Variants in ORM2 observed in about 807,000 individuals in gnomAD.
ORM2 encodes the protein orosomucoid 2.
ORM2 carries 19 observed loss-of-function variants against 26.8 expected under a neutral mutation model. That is an observed-to-expected ratio of 0.71 (90% CI 0.49 to 1.04). The LOEUF is 1.04. ORM2 is among the 50% of genes least tolerant of loss of function. The pLI is 0.00. For missense variants in ORM2, 259 were observed against 244.9 expected (o/e 1.06, Z -0.39); for synonymous variants, 94 against 100.0 (o/e 0.94, Z 0.36).
Position 114,330,862 on chromosome 9 carries a change from G to A in ORM2, c.328G>A (p.Glu110Lys), listed in dbSNP as rs141478321. Reference protein sequence around the residue: ...QRENGTVSRYEGGREHVAHLL... With the variant: ...QRENGTVSRYKGGREHVAHLL... ...GGAGAATGGGACCGTCTCCAGATACGGTGAGGGCCAGCCCTCAGGCAGGAG... is the reference window on the plus strand; with the variant it reads ...GGAGAATGGGACCGTCTCCAGATACAGTGAGGGCCAGCCCTCAGGCAGGAG... Residue 110 changes from glutamate to lysine, a missense_variant and splice_region_variant, in exon 3 of 6, where the codon GAG (glutamate) becomes AAG (lysine). Coordinates refer to ENST00000431067, the MANE Select transcript of ORM2 (RefSeq NM_000608.4). The A allele has an allele frequency of 4.0e-4, 639 of 1,613,400 alleles. 4 individuals carry two copies. In the East Asian group the frequency reaches 0.012, roughly 31 times the overall value.
Position 114,332,005 on chromosome 9 carries a change from A to C in ORM2, c.540+76A>C, listed in dbSNP as rs549147820. 2.3e-5 allele frequency: 31 copies of C among 1,368,028 alleles called. No individual in the cohort carries two copies. In the South Asian group the frequency reaches 3.3e-4, roughly 15 times the overall value. The allele number at this position is 1,368,028 out of a possible 1,614,324, so 84.7% of individuals were successfully genotyped here. On this transcript the variant is annotated intron_variant, in intron 5 of 5. Coordinates refer to ENST00000431067, the MANE Select transcript of ORM2 (RefSeq NM_000608.4). ...GCAGCCCCAGAGGCCCAGAGCAGGA[A>C]AGCTGCCAGGCAAGGCTGCACAGCT...
chr9:114,330,678 C>T lies in ORM2; in HGVS notation c.257+102C>T, dbSNP rs1181121537. On this transcript the variant is annotated intron_variant, in intron 2 of 5. Coordinates refer to ENST00000431067, the MANE Select transcript of ORM2 (RefSeq NM_000608.4). The stretch of plus-strand genomic sequence containing the variant: ...GCCTTGGCCTTCCCATGGGTGGAAC[C>T]GGGAGGGTTGGCTTTAATCTCCACC... 59 of 1,600,166 alleles carry T rather than the reference C, an allele frequency of 3.7e-5. 1 individual carries two copies. Among genetic ancestry groups the T allele is most frequent in the South Asian group, 2.0e-4 (18 of 90,260 alleles).
At chr9:114,331,488 A>G (rs1829850182) in intron 3 of ORM2, 79 bp from the exon 4 acceptor site, 3 of 1,191,132 alleles carry the variant, frequency 2.5e-6, no homozygotes, top group Non-Finnish European at 3.7e-6. Context: ...CCCCGGACAC[A>G]CCTAGGACTC....
At chr9:114,330,653 G>C in intron 2 of ORM2, 77 bp downstream of exon 2, 1 of 1,600,522 alleles carries the variant, frequency 6.2e-7, no homozygotes, top group Non-Finnish European at 8.5e-7. Flanking sequence ...CTTCTTCCTG[G>C]CCTTGGCCTT....
Position 114,331,619 on chromosome 9 carries a change from C to T in ORM2, c.381C>T (p.Thr127=). The T allele has an allele frequency of 6.2e-7, 1 of 1,614,048 alleles. No homozygotes were observed. The highest frequency in any genetic ancestry group is 1.1e-5 in the South Asian group (1 of 91,076). The part of the protein sequence containing the change: ...AHLLFLRDTK[T]LMFGSYLDDE... ...TGCTGTTCCTTAGGGACACCAAGACCTTGATGTTTGGTTCCTACCTGGACG... is the reference window on the plus strand; with the variant it reads ...TGCTGTTCCTTAGGGACACCAAGACTTTGATGTTTGGTTCCTACCTGGACG... Residue 127 remains threonine (T), a synonymous_variant, in exon 4 of 6, where the codon ACC becomes ACT. Coordinates refer to ENST00000431067, the MANE Select transcript of ORM2 (RefSeq NM_000608.4).
At position 114,333,059 on chromosome 9, in the gene ORM2, T is replaced by A. The variant is rs771098593; in HGVS notation, c.541-10T>A. The A allele has an allele frequency of 1.9e-6, 3 of 1,579,038 alleles. No individual in the cohort carries two copies. Among genetic ancestry groups the A allele is most frequent in the Non-Finnish European group, 2.6e-6 (3 of 1,162,912 alleles). On this transcript the variant is annotated splice_polypyrimidine_tract_variant and intron_variant, in intron 5 of 5. Transcript: ENST00000431067. The stretch of plus-strand genomic sequence containing the variant: ...CTTCTCCCTCACCCCAATTCCCCGC[T>A]GCCTTCTAGGATAAGTGTGAGCCAC...
In ORM2 at chr9:114,331,905, T is replaced by A. The variant is rs767367312; in HGVS notation, c.516T>A (p.Asp172Glu). 4 of 1,613,856 alleles carry A rather than the reference T, an allele frequency of 2.5e-6. No homozygotes were observed. Among genetic ancestry groups the A allele is most frequent in the Non-Finnish European group, 3.4e-6 (4 of 1,179,862 alleles). Reference sequence around the variant, plus strand: ...ACTGCTTGTGCATTCCCAGGTCAGATGTCATGTACACCGACTGGAAAAAGG... The same window carrying A: ...ACTGCTTGTGCATTCCCAGGTCAGAAGTCATGTACACCGACTGGAAAAAGG... ...ALDCLCIPRS[D>E]VMYTDWKKDK... The change falls in exon 5 of 6, where the codon GAT becomes GAA. Residue 172 changes from aspartate to glutamate, a missense_variant. Asp to Glu is a conservative substitution (Grantham distance 45). Around this residue, in one of 2 missense-constraint regions of ORM2, gnomAD observed 251 missense variants for 220.5 expected, o/e 1.14. Coordinates refer to ENST00000431067, the MANE Select transcript of ORM2 (RefSeq NM_000608.4).
At chr9:114,331,099 A>G (rs546018940) in intron 3 of ORM2, among the ~76,000 whole-genome samples, 5 of 152,122 alleles carry the variant, frequency 3.3e-5, no homozygotes, top group Non-Finnish European at 5.9e-5. Context: ...GCTTATAATT[A>G]GAACTAGAAT....
chr9:114,331,627 T>C lies in ORM2; in HGVS notation c.389T>C (p.Phe130Ser), dbSNP rs151073288. The C allele has an allele frequency of 5.6e-6, 9 of 1,613,998 alleles. No homozygotes were observed. Among genetic ancestry groups the C allele is most frequent in the South Asian group, 2.2e-5 (2 of 91,062 alleles). The change falls in exon 4 of 6, where the codon TTT becomes TCT. Residue 130 changes from phenylalanine (F) to serine (S), a missense_variant. By Grantham distance (155) the Phe-to-Ser change is radical (BLOSUM62 -2). Coordinates refer to ENST00000431067, the MANE Select transcript of ORM2 (RefSeq NM_000608.4). ...CTTAGGGACACCAAGACCTTGATGT[T>C]TGGTTCCTACCTGGACGATGAGAAG... ...LFLRDTKTLM[F>S]GSYLDDEKNW...
intron 2 of ORM2, 24 bp from the exon 3 acceptor site, chr9:114,330,768 C>T: frequency 6.2e-7 from 1 of 1,612,202 alleles, no homozygotes; most frequent in Non-Finnish European, 8.5e-7. Flanking sequence ...TACTGTTTTT[C>T]TTCCGCCTTC....
Position 114,331,869 on chromosome 9 carries a change from C to T in ORM2, c.480C>T (p.Tyr160=), listed in dbSNP as rs142563384. 548 of 1,613,808 alleles carry T rather than the reference C, an allele frequency of 3.4e-4. 8 individuals carry two copies. The African/African-American group carries it at 6.5e-3, about 19-fold the overall frequency. The change falls in exon 5 of 6, where the codon TAC becomes TAT. Residue 160 remains tyrosine (Y), a synonymous_variant. Coordinates refer to ENST00000431067, the MANE Select transcript of ORM2 (RefSeq NM_000608.4). ...CCAAGGAGCAACTGGGAGAGTTCTACGAAGCTCTCGACTGCTTGTGCATTC... is the reference window on the plus strand; with the variant it reads ...CCAAGGAGCAACTGGGAGAGTTCTATGAAGCTCTCGACTGCTTGTGCATTC... ...ETTKEQLGEF[Y]EALDCLCIPR...
At chr9:114,330,686 T>G in intron 2 of ORM2, 106 bp from the exon 3 acceptor site, 1 of 1,597,048 alleles carries the variant, frequency 6.3e-7, no homozygotes, top group Non-Finnish European at 8.6e-7. Context: ...ACCGGGAGGG[T>G]TGGCTTTAAT....
chr9:114,331,146 C>CTA (rs1829843758), intron 3 of ORM2, among the ~76,000 whole-genome samples: 1 of 152,094 alleles, frequency 6.6e-6, no homozygotes, highest in African/African-American at 2.4e-5. Flanking sequence ...GCCTCTCTCT[C>CTA]ACGCCCTCTT....
In ORM2 at chr9:114,331,923, G is replaced by T. The variant is rs1380322694; in HGVS notation, c.534G>T (p.Trp178Cys). Residue 178 changes from tryptophan to cysteine, a missense_variant, in exon 5 of 6, where the codon TGG (tryptophan) becomes TGT (cysteine). By Grantham distance (215) the Trp-to-Cys change is radical (BLOSUM62 -2). Transcript: ENST00000431067. ...IPRSDVMYTD[W>C]KKDKCEPLEK... ...GGTCAGATGTCATGTACACCGACTG[G>T]AAAAAGGTAAACGCAAGGGATTGGA... is the stretch of plus-strand genomic sequence containing the variant. 6.2e-7 allele frequency: 1 copy of T among 1,613,562 alleles called. No individual in the cohort carries two copies. Among genetic ancestry groups the T allele is most frequent in the Admixed American group, 1.7e-5 (1 of 59,998 alleles).
rs1481348194 is a variant in ORM2 at position 114,333,105 on chromosome 9, G to A, written c.577G>A (p.Glu193Lys). 2 of 1,581,968 alleles carry A rather than the reference G, an allele frequency of 1.3e-6. No homozygotes were observed. The highest frequency in any genetic ancestry group is 1.3e-5 in the African/African-American group (1 of 74,322). Residue 193 changes from glutamate (E) to lysine (K), a missense_variant, in exon 6 of 6, where the codon GAG (glutamate) becomes AAG (lysine). This residue lies in a region of ORM2 where 8 missense variants were observed against 24.4 expected (regional missense o/e 0.33). Coordinates refer to ENST00000431067, the MANE Select transcript of ORM2 (RefSeq NM_000608.4). The part of the protein sequence containing the change: ...CEPLEKQHEK[E>K]RKQEEGES ...GCCACTGGAGAAGCAGCACGAGAAG[G>A]AGAGGAAACAGGAGGAGGGGGAATC...
In ORM2 at chr9:114,330,716, C is replaced by T. The variant is rs949700083; in HGVS notation, c.258-76C>T. 59 of 1,595,918 alleles carry T rather than the reference C, an allele frequency of 3.7e-5. No homozygotes were observed. In the East Asian group the frequency reaches 5.1e-4, roughly 14 times the overall value. On this transcript the variant is annotated intron_variant, in intron 2 of 5. Coordinates refer to ENST00000431067, the MANE Select transcript of ORM2 (RefSeq NM_000608.4). The stretch of plus-strand genomic sequence containing the variant: ...TTTAATCTCCACCAGACTCTTGCCC[C>T]GGGACTGTGATGGGCGATTGGCCAC...
At position 114,331,851 on chromosome 9, in the gene ORM2, G is replaced by T. The variant is rs970091086; in HGVS notation, c.462G>T (p.Glu154Asp). Residue 154 changes from glutamate to aspartate, a missense_variant, in exon 5 of 6, where the codon GAG becomes GAT. Transcript: ENST00000431067. ...FYADKPETTK[E>D]QLGEFYEALD... ...CTGACAAGCCAGAGACGACCAAGGA[G>T]CAACTGGGAGAGTTCTACGAAGCTC... 6.2e-7 allele frequency: 1 copy of T among 1,613,812 alleles called. No individual in the cohort carries two copies. Among genetic ancestry groups the T allele is most frequent in the East Asian group, 2.2e-5 (1 of 44,868 alleles).
chr9:114,331,000 C>T lies in ORM2; in HGVS notation c.328+138C>T, dbSNP rs181964019. The T allele has an allele frequency of 5.2e-3, 3,488 of 669,978 alleles. 19 individuals carry two copies. The highest frequency in any genetic ancestry group is 7.9e-3 in the Non-Finnish European group (3,040 of 384,652). The allele number at this position is 669,978 out of a possible 1,614,324, so 41.5% of individuals were successfully genotyped here. On this transcript the variant is annotated intron_variant, in intron 3 of 5. Coordinates refer to ENST00000431067, the MANE Select transcript of ORM2 (RefSeq NM_000608.4). The stretch of plus-strand genomic sequence containing the variant: ...AACATTTTTGAGCTCTTACCACGTG[C>T]TCAGAAAAAATCCCTAAGAAGACAC...
At position 114,330,381 on chromosome 9, in the gene ORM2, C is replaced by G. The variant is rs1267559960; in HGVS notation, c.115-53C>G. 82 of 1,557,170 alleles carry G rather than the reference C, an allele frequency of 5.3e-5. No individual in the cohort carries two copies. In the Middle Eastern group the frequency reaches 1.7e-3, roughly 32 times the overall value. On this transcript the variant is annotated intron_variant, in intron 1 of 5. Coordinates refer to ENST00000431067, the MANE Select transcript of ORM2 (RefSeq NM_000608.4). ...TCTGCCTGAGTCTCCTCCCAGCTGA[C>G]AGTCAAAGATTCAGCATCAAGCCCC... is the stretch of plus-strand genomic sequence containing the variant.
Sources: gnomAD v4.1 joint callset for allele counts (sites outside exome capture counted in the v4.1 genomes callset) on GRCh38, gnomAD v4.1.1 for gene constraint, gnomAD v4.1.1 regional missense constraint, MANE v1.5 for transcripts, NCBI Gene and HGNC (gene_info 2026-07-23, HGNC 2026-07-21) for gene names.